The following CNTNAP5 variants were observed in gnomAD, a reference collection of about 807,000 sequenced individuals.
The protein encoded by CNTNAP5 is contactin-associated protein-like 5.
A neutral mutation model predicts 150.2 loss-of-function variants in CNTNAP5; 72 were observed. That is an observed-to-expected ratio of 0.48 (90% CI 0.40 to 0.58). CNTNAP5 has a LOEUF of 0.58. Among genes scored for constraint, CNTNAP5 ranks in the 20% least tolerant of loss-of-function variants. The pLI is 0.00. For synonymous variants in CNTNAP5, 672 were observed against 619.8 expected (o/e 1.08, Z -1.25); for missense variants, 1,636 against 1,626.2 (o/e 1.01, Z -0.10).
chr2:124,706,482 C>T (rs1027424489), intron 13 of CNTNAP5, among the ~76,000 whole-genome samples: 2 of 152,040 alleles, frequency 1.3e-5, no homozygotes, highest in Non-Finnish European at 1.5e-5. Flanking sequence ...CATGGTGGCT[C>T]GTGCCTCTAA....
chr2:124,375,967 A>T (rs908795938), intron 3 of CNTNAP5, among the ~76,000 whole-genome samples: 1 of 152,126 alleles, frequency 6.6e-6, no homozygotes, highest in African/African-American at 2.4e-5. Flanking sequence ...ACCAAAGGTC[A>T]TTCCAGGCTT....
chr2:124,307,251 AAG>A (rs987244238), intron 3 of CNTNAP5, among the ~76,000 whole-genome samples: 1 of 151,726 alleles, frequency 6.6e-6, no homozygotes, highest in East Asian at 1.9e-4. Context: ...GACAGAGAGA[AAG>A]AGAGAGAGAG....
At chr2:124,146,213 T>G (rs1225405890) in intron 1 of CNTNAP5, among the ~76,000 whole-genome samples, 1 of 152,104 alleles carries the variant, frequency 6.6e-6, no homozygotes, top group Non-Finnish European at 1.5e-5. Flanking sequence ...CCACCTCAGC[T>G]CAGACCCGAG....
chr2:124,159,884 T>G (rs1412070571), intron 1 of CNTNAP5, among the ~76,000 whole-genome samples: 1 of 152,180 alleles, frequency 6.6e-6, no homozygotes, highest in Non-Finnish European at 1.5e-5. Flanking sequence ...ACTCGAGGGA[T>G]AAATGCATTT....
intron 16 of CNTNAP5, among the ~76,000 whole-genome samples, chr2:124,770,375 G>A (rs1681163824): frequency 6.6e-6 from 1 of 152,090 alleles, no homozygotes; most frequent in African/African-American, 2.4e-5. Context: ...GTTGTGGTCA[G>A]GGGGCAAGGC....
chr2:124,706,161 C>G (rs1679632469), intron 13 of CNTNAP5, among the ~76,000 whole-genome samples: 2 of 152,106 alleles, frequency 1.3e-5, no homozygotes, highest in Admixed American at 1.3e-4. Context: ...AAGGGACTTA[C>G]CCAAAAGACG....
rs191195897 is a variant in CNTNAP5 at position 124,530,617 on chromosome 2, G to A, written c.1649+3161G>A. The stretch of plus-strand genomic sequence containing the variant: ...GCTCCTGGGAGGAAAGGACTTGGAA[G>A]AACTGGCCTTGCGCACGGCTCTGGA... On this transcript the variant is annotated intron_variant, in intron 10 of 23. Transcript: ENST00000682447. Among the ~76,000 whole-genome samples, 187 of 152,318 alleles carry A rather than the reference G, an allele frequency of 1.2e-3. 3 individuals carry two copies. The highest frequency in any genetic ancestry group is 2.2e-3 in the Admixed American group (33 of 15,304).
At chr2:124,459,259 G>A (rs1693192564) in intron 6 of CNTNAP5, among the ~76,000 whole-genome samples, 1 of 152,118 alleles carries the variant, frequency 6.6e-6, no homozygotes, top group South Asian at 2.1e-4. Flanking sequence ...TCTGAGTCTT[G>A]GCAGGACACC....
Position 124,811,192 on chromosome 2 carries a change from T to C in CNTNAP5, c.3217+12872T>C, listed in dbSNP as rs529150598. Among the ~76,000 whole-genome samples the C allele has an allele frequency of 2.0e-5, 3 of 152,206 alleles. No individual in the cohort carries two copies. In the East Asian group the frequency reaches 5.8e-4, roughly 29 times the overall value. On this transcript the variant is annotated intron_variant, in intron 19 of 23. Transcript: ENST00000682447. The stretch of plus-strand genomic sequence containing the variant: ...TGGGTCTCAGAAAGACAGCTCCTTA[T>C]TTACAAATGTGGGTGGGCAAAAGAT...
At chr2:124,046,951 G>T (rs1210206576) in intron 1 of CNTNAP5, among the ~76,000 whole-genome samples, 1 of 152,108 alleles carries the variant, frequency 6.6e-6, no homozygotes, top group Non-Finnish European at 1.5e-5. Flanking sequence ...GTCTCCAATT[G>T]TAAGAAATTT....
rs529679314 is a variant in CNTNAP5, at chr2:124,302,393, A to C, written c.381+60000A>C. Among the ~76,000 whole-genome samples the C allele has an allele frequency of 2.6e-5, 4 of 152,370 alleles. No individual in the cohort carries two copies. The South Asian group carries it at 8.3e-4, about 32-fold the overall frequency. ...AGACTGGGTAATTTTAAATAAACAG[A>C]AATGCATTTGGCTTATGGGTCTAGA... On this transcript the variant is annotated intron_variant, in intron 3 of 23. Transcript: ENST00000682447.
Position 124,347,782 on chromosome 2 carries a change from C to G in CNTNAP5, c.382-69661C>G, listed in dbSNP as rs187264623. 3.2e-3 allele frequency among the ~76,000 whole-genome samples: 486 copies of G among 152,042 alleles called. 4 individuals carry two copies. The highest frequency in any genetic ancestry group is 0.011 in the African/African-American group (466 of 41,462). ...AAGTGTGTATGTGTTTACATATACA[C>G]CCACACAAATGTAGACATATACACA... On this transcript the variant is annotated intron_variant, in intron 3 of 23. Coordinates refer to ENST00000682447, the MANE Select transcript of CNTNAP5 (RefSeq NM_001367498.1).
At chr2:124,025,778 C>A (rs377328203) in intron 1 of CNTNAP5, 46 bp downstream of exon 1, 15 of 1,441,146 alleles carry the variant, frequency 1.0e-5, no homozygotes, top group African/African-American at 5.6e-5. Context: ...GGAAAACGAT[C>A]GCATTCAGAA....
chr2:124,333,882 C>G (rs145708841), intron 3 of CNTNAP5, among the ~76,000 whole-genome samples: 1 of 152,120 alleles, frequency 6.6e-6, no homozygotes, highest in Non-Finnish European at 1.5e-5. Flanking sequence ...TGAATTTGCC[C>G]GCTGCATAAT....
intron 1 of CNTNAP5, among the ~76,000 whole-genome samples, chr2:124,081,453 C>T (rs1682557193): frequency 6.6e-6 from 1 of 152,126 alleles, no homozygotes; most frequent in South Asian, 2.1e-4. Flanking sequence ...TTTAGGTGCT[C>T]TCTGCTTTGT....
intron 3 of CNTNAP5, among the ~76,000 whole-genome samples, chr2:124,316,478 T>C (rs1688961800): frequency 6.6e-6 from 1 of 152,138 alleles, no homozygotes; most frequent in African/African-American, 2.4e-5. Flanking sequence ...GTAAGGAGGC[T>C]GTCTCATATT....
intron 12 of CNTNAP5, among the ~76,000 whole-genome samples, chr2:124,628,995 A>G (rs1194172398): frequency 6.6e-6 from 1 of 152,216 alleles, no homozygotes; most frequent in Non-Finnish European, 1.5e-5. Flanking sequence ...GAAGCGTTCA[A>G]TTCAACAAAA....
chr2:124,681,222 C>T (rs1366297453), intron 13 of CNTNAP5, among the ~76,000 whole-genome samples: 1 of 150,170 alleles, frequency 6.7e-6, no homozygotes, highest in Non-Finnish European at 1.5e-5. Flanking sequence ...GAATCGCTTG[C>T]ACCTGGAAGG....
chr2:124,541,983 G>A (rs1695397340), intron 10 of CNTNAP5, among the ~76,000 whole-genome samples: 1 of 152,018 alleles, frequency 6.6e-6, no homozygotes, highest in Non-Finnish European at 1.5e-5. Context: ...TACCTTTCCT[G>A]CTTTTGAAAT....
Sources: gnomAD v4.1 joint callset for allele counts (sites outside exome capture counted in the v4.1 genomes callset) on GRCh38, gnomAD v4.1.1 for gene constraint, MANE v1.5 for transcripts, NCBI Gene and HGNC (gene_info 2026-07-23, HGNC 2026-07-21) for gene names.